TMC1: variants seen among roughly 807,000 people sequenced by gnomAD.
The protein encoded by TMC1 is transmembrane channel-like protein 1.
In TMC1, 84 loss-of-function variants were observed where a neutral mutation model predicts 105.8. That is an observed-to-expected ratio of 0.79 (90% CI 0.67 to 0.95). TMC1 has a LOEUF of 0.95. TMC1 is among the 40% of genes least tolerant of loss of function. The pLI, the probability that TMC1 is intolerant of heterozygous loss-of-function variation, is 0.00. For synonymous variants in TMC1, 315 were observed against 311.5 expected, an observed-to-expected ratio of 1.01 and a Z score of -0.12; for missense variants, 817 against 914.1, an observed-to-expected ratio of 0.89 and a Z score of 1.37.
intron 8 of TMC1, among the ~76,000 whole-genome samples, chr9:72,738,064 C>G (rs1827329029): frequency 6.6e-6 from 1 of 152,206 alleles, no homozygotes; most frequent in South Asian, 2.1e-4. Flanking sequence ...CTACCCCAAA[C>G]TATGTCAATC....
chr9:72,528,249 A>G (rs1023644561), intron 1 of TMC1, among the ~76,000 whole-genome samples: 7 of 152,258 alleles, frequency 4.6e-5, no homozygotes, highest in African/African-American at 1.7e-4. Context: ...CCAGACACCA[A>G]TCATCTGGCA....
intron 1 of TMC1, among the ~76,000 whole-genome samples, chr9:72,537,601 A>G (rs1361772893): frequency 6.6e-6 from 1 of 152,226 alleles, no homozygotes; most frequent in Non-Finnish European, 1.5e-5. Flanking sequence ...ACCATGGCCC[A>G]TGACACAGCC....
intron 3 of TMC1, among the ~76,000 whole-genome samples, 174 bp from the exon 4 acceptor site, chr9:72,627,747 A>G (rs556523641): frequency 6.6e-6 from 1 of 152,274 alleles, no homozygotes; most frequent in Non-Finnish European, 1.5e-5. Flanking sequence ...CTCCTGTTGC[A>G]TTCCTTGGCT....
At chr9:72,796,774 C>T (rs546148922) in intron 17 of TMC1, among the ~76,000 whole-genome samples, 14 of 152,062 alleles carry the variant, frequency 9.2e-5, no homozygotes, top group South Asian at 4.2e-4. Context: ...TCATAATGAA[C>T]GGACAAAAGC....
At chr9:72,561,222 G>A (rs1824043318) in intron 1 of TMC1, among the ~76,000 whole-genome samples, 1 of 150,182 alleles carries the variant, frequency 6.7e-6, no homozygotes, top group African/African-American at 2.5e-5. Flanking sequence ...TCTGGAGGGT[G>A]AGGCAGAATG....
At chr9:72,706,021 T>C (rs1564503355) in intron 8 of TMC1, among the ~76,000 whole-genome samples, 1 of 152,346 alleles carries the variant, frequency 6.6e-6, no homozygotes, top group East Asian at 1.9e-4. Flanking sequence ...CATTCCTCCT[T>C]ACTCAATCTC....
intron 1 of TMC1, among the ~76,000 whole-genome samples, chr9:72,555,722 G>C (rs950715447): frequency 1.3e-5 from 2 of 151,816 alleles, no homozygotes; most frequent in Admixed American, 1.3e-4. Flanking sequence ...CCAGATTCAA[G>C]CAATTCTCCT....
At chr9:72,746,570 T>A (rs887425770) in intron 10 of TMC1, among the ~76,000 whole-genome samples, 10 of 140,874 alleles carry the variant, frequency 7.1e-5, no homozygotes, top group African/African-American at 2.5e-4. Flanking sequence ...TAAGTATTTT[T>A]AAAATGTGGC....
intron 8 of TMC1, among the ~76,000 whole-genome samples, chr9:72,728,792 C>T (rs1172860714): frequency 3.3e-5 from 5 of 151,914 alleles, no homozygotes; most frequent in Non-Finnish European, 7.4e-5. Context: ...ATGTTTAAAC[C>T]ATAAATTGAA....
At position 72,836,186 on chromosome 9, in the gene TMC1, G is replaced by T; in HGVS notation, c.*213G>T. The stretch of plus-strand genomic sequence containing the variant: ...TTATTCCAAGTCAGAAACTGTTTCT[G>T]CAGAGCCACTCTCTCCCCTGCTCCA... On this transcript the variant is annotated 3_prime_UTR_variant, in exon 24 of 24. Coordinates refer to ENST00000297784, the MANE Select transcript of TMC1 (RefSeq NM_138691.3). The T allele has an allele frequency of 1.5e-6, 1 of 651,484 alleles. No individual in the cohort carries two copies. The allele number at this position is 651,484 out of a possible 1,614,324, so 40.4% of individuals were successfully genotyped here.
intron 8 of TMC1, among the ~76,000 whole-genome samples, chr9:72,729,024 G>T (rs1223448272): frequency 6.6e-6 from 1 of 152,054 alleles, no homozygotes; most frequent in Non-Finnish European, 1.5e-5. Context: ...AGCCAGCCAT[G>T]AAAATTAGCA....
intron 12 of TMC1, among the ~76,000 whole-genome samples, chr9:72,755,282 G>A (rs1827661528): frequency 6.6e-6 from 1 of 152,236 alleles, no homozygotes; most frequent in East Asian, 1.9e-4. Context: ...AAGAATAAAG[G>A]AAGAGTTTGC....
At chr9:72,807,019 C>G (rs1193720830) in intron 18 of TMC1, among the ~76,000 whole-genome samples, 1 of 152,208 alleles carries the variant, frequency 6.6e-6, no homozygotes, top group Non-Finnish European at 1.5e-5. Context: ...CCCGGCACCT[C>G]GGGAGGCTGA....
intron 1 of TMC1, among the ~76,000 whole-genome samples, chr9:72,532,872 G>A (rs1281299735): frequency 6.6e-6 from 1 of 152,220 alleles, no homozygotes; most frequent in Admixed American, 6.5e-5. Flanking sequence ...CCTAACAGGG[G>A]AAAGGCAAAG....
intron 2 of TMC1, among the ~76,000 whole-genome samples, chr9:72,605,638 C>T (rs1824899491): frequency 6.9e-6 from 1 of 145,938 alleles, no homozygotes; most frequent in Non-Finnish European, 1.5e-5. Context: ...TGCAGTGGTG[C>T]AATCTTGGCT....
chr9:72,603,492 G>A (rs1210556207), intron 2 of TMC1, among the ~76,000 whole-genome samples: 1 of 151,986 alleles, frequency 6.6e-6, no homozygotes, highest in Admixed American at 6.6e-5. Context: ...TCTCTGTTCT[G>A]AAGGCTCATC....
At chr9:72,630,099 C>T (rs184697838) in intron 4 of TMC1, among the ~76,000 whole-genome samples, 8 of 152,118 alleles carry the variant, frequency 5.3e-5, no homozygotes, top group African/African-American at 1.9e-4. Context: ...CTCCTGACCT[C>T]AGATGATCCA....
intron 5 of TMC1, among the ~76,000 whole-genome samples, chr9:72,673,672 T>C (rs1002337064): frequency 6.6e-6 from 1 of 152,096 alleles, no homozygotes; most frequent in Non-Finnish European, 1.5e-5. Flanking sequence ...ACAACTTAGA[T>C]AAATTGCACA....
At chr9:72,779,752 T>C (rs1828062129) in intron 13 of TMC1, among the ~76,000 whole-genome samples, 1 of 151,922 alleles carries the variant, frequency 6.6e-6, no homozygotes, top group African/African-American at 2.4e-5. Context: ...CTCCAAGAAA[T>C]ACAGAATTAT....
Sources: allele counts gnomAD v4.1 joint callset (sites outside exome capture counted in the v4.1 genomes callset), GRCh38; gene constraint gnomAD v4.1.1; transcripts MANE v1.5; gene names NCBI Gene and HGNC (gene_info 2026-07-23, HGNC 2026-07-21).